The following OXR1 variants were observed in gnomAD, a reference collection of about 807,000 sequenced individuals.
OXR1 encodes oxidation resistance 1.
A neutral mutation model predicts 104.6 loss-of-function variants in OXR1; 41 were observed. The ratio of observed to expected loss-of-function variants is 0.39; its 90% confidence interval spans 0.31 to 0.51. The LOEUF (loss-of-function observed/expected upper bound fraction) is 0.51. Ranked by LOEUF, OXR1 falls within the 20% of genes least tolerant of loss-of-function variation. OXR1 has a pLI of 0.77. For synonymous variants in OXR1, 348 were observed against 348.4 expected, an observed-to-expected ratio of 1.00 and a Z score of 0.01; for missense variants, 955 against 1,031.9, an observed-to-expected ratio of 0.93 and a Z score of 1.02.
chr8:106,294,165 G>A (rs1037802495), intron 1 of OXR1, among the ~76,000 whole-genome samples: 3 of 151,638 alleles, frequency 2.0e-5, no homozygotes, highest in African/African-American at 7.3e-5. Flanking sequence ...CACTTTGGGA[G>A]GCCGAGGCGG....
At chr8:106,299,611 TTATTCTCA>T (rs1332250060) in intron 1 of OXR1, among the ~76,000 whole-genome samples, 2 of 152,132 alleles carry the variant, frequency 1.3e-5, no homozygotes, top group African/African-American at 4.8e-5. Context: ...TTAGCCTCAT[TTATTCTCA>T]TATACTCTTT....
chr8:106,325,012 C>T (rs1043787970), intron 1 of OXR1, among the ~76,000 whole-genome samples: 3 of 151,954 alleles, frequency 2.0e-5, no homozygotes, highest in Non-Finnish European at 4.4e-5. Context: ...AGTGTGACCT[C>T]CTAAACTGTA....
intron 6 of OXR1, among the ~76,000 whole-genome samples, chr8:106,690,434 A>G (rs1471136453): frequency 6.6e-6 from 1 of 151,312 alleles, no homozygotes; most frequent in African/African-American, 2.4e-5. Context: ...TTCTTAGAAC[A>G]AAATTTTATG....
chr8:106,720,672 C>A, intron 11 of OXR1: 1 of 937,092 alleles, frequency 1.1e-6, no homozygotes, highest in Non-Finnish European at 1.3e-6. Flanking sequence ...CCCTTACATA[C>A]CACAGGACTT....
intron 2 of OXR1, among the ~76,000 whole-genome samples, chr8:106,434,386 A>AT (rs1168584055): frequency 6.6e-6 from 1 of 152,202 alleles, no homozygotes; most frequent in East Asian, 1.9e-4. Flanking sequence ...ATTAAACTGA[A>AT]CAGATGAGGA....
intron 1 of OXR1, among the ~76,000 whole-genome samples, chr8:106,353,720 A>T (rs1815837818): frequency 6.6e-6 from 1 of 152,138 alleles, no homozygotes; most frequent in Non-Finnish European, 1.5e-5. Context: ...TTACCTCACT[A>T]ATGTATCATT....
chr8:106,692,592 T>C (rs1401917006), intron 6 of OXR1, 136 bp from the exon 7 acceptor site: 2 of 475,466 alleles, frequency 4.2e-6, no homozygotes, highest in Non-Finnish European at 7.3e-6. Context: ...TAAAAATATT[T>C]CGGGCTGACT....
chr8:106,318,524 C>T (rs1814074600), intron 1 of OXR1, among the ~76,000 whole-genome samples: 1 of 152,226 alleles, frequency 6.6e-6, no homozygotes, highest in South Asian at 2.1e-4. Context: ...AAGTTCTCTG[C>T]CTTGCCTCAA....
chr8:106,332,539 T>C (rs992344899), intron 1 of OXR1, among the ~76,000 whole-genome samples: 2 of 152,170 alleles, frequency 1.3e-5, no homozygotes, highest in Admixed American at 6.5e-5. Context: ...GACCCAGTCC[T>C]ACCATGTGTG....
At chr8:106,676,608 A>G (rs1399764142) in intron 3 of OXR1, among the ~76,000 whole-genome samples, 1 of 152,036 alleles carries the variant, frequency 6.6e-6, no homozygotes, top group African/African-American at 2.4e-5. Context: ...AGAATGATGA[A>G]TATTGGCCCT....
intron 2 of OXR1, among the ~76,000 whole-genome samples, chr8:106,375,274 G>A (rs752454063): frequency 6.6e-6 from 1 of 152,152 alleles, no homozygotes; most frequent in African/African-American, 2.4e-5. Context: ...AGATTTAAAA[G>A]CCATCTATTA....
At position 106,651,634 on chromosome 8, in the gene OXR1, C is replaced by T. The variant is rs181379196; in HGVS notation, c.221-27576C>T. 2.6e-3 allele frequency among the ~76,000 whole-genome samples: 391 copies of T among 152,218 alleles called. 7 individuals carry two copies. The highest frequency in any genetic ancestry group is 8.2e-4 in the Non-Finnish European group (56 of 67,996). ...TCATCAATCTGTACATCTATTCTTA[C>T]GCCAGTACTACGGTTTTTGATTACT... is the stretch of plus-strand genomic sequence containing the variant. On this transcript the variant is annotated intron_variant, in intron 3 of 16. Transcript: ENST00000517566.
chr8:106,549,181 T>A (rs1421281933), intron 3 of OXR1, among the ~76,000 whole-genome samples: 9 of 151,796 alleles, frequency 5.9e-5, no homozygotes, highest in Admixed American at 3.3e-4. Context: ...AATTCTTATG[T>A]CACAAATCCT....
In OXR1 at chr8:106,603,056, T is replaced by C. The variant is rs115674299; in HGVS notation, c.221-76154T>C. Among the ~76,000 whole-genome samples the C allele has an allele frequency of 2.3e-3, 354 of 152,326 alleles. 3 individuals carry two copies. The highest frequency in any genetic ancestry group is 7.7e-3 in the African/African-American group (320 of 41,584). On this transcript the variant is annotated intron_variant, in intron 3 of 16. Transcript: ENST00000517566. ...TATTATTTTAAAAGCATCTTTGCCA[T>C]TTTAAAGGTAAAAAAACTCACTTCT...
chr8:106,637,736 T>G (rs1823263213), intron 3 of OXR1, among the ~76,000 whole-genome samples: 1 of 151,478 alleles, frequency 6.6e-6, no homozygotes, highest in Admixed American at 6.6e-5. Flanking sequence ...CCTAAGAGTA[T>G]ACTCTAGACA....
chr8:106,413,963 A>T (rs190136098), intron 2 of OXR1, among the ~76,000 whole-genome samples: 4 of 152,064 alleles, frequency 2.6e-5, no homozygotes, highest in Non-Finnish European at 4.4e-5. Context: ...CCAGAACTCA[A>T]GTGATCCACC....
intron 2 of OXR1, among the ~76,000 whole-genome samples, chr8:106,485,234 C>G (rs1442126572): frequency 6.6e-6 from 1 of 151,962 alleles, no homozygotes; most frequent in African/African-American, 2.4e-5. Flanking sequence ...TATGATACTA[C>G]AATGTTGGAT....
intron 1 of OXR1, among the ~76,000 whole-genome samples, chr8:106,302,815 C>T (rs1309993267): frequency 2.0e-5 from 3 of 151,218 alleles, no homozygotes; most frequent in Non-Finnish European, 4.4e-5. Context: ...ACAGTGGCGC[C>T]ATCTCGGCTC....
At chr8:106,734,016 G>C (rs1349907936) in intron 11 of OXR1, among the ~76,000 whole-genome samples, 5 of 144,048 alleles carry the variant, frequency 3.5e-5, no homozygotes, top group Non-Finnish European at 6.0e-5. Context: ...TTTAAGACAG[G>C]ATTTTGCTCT....
Sources: gnomAD v4.1 joint callset for allele counts (sites outside exome capture counted in the v4.1 genomes callset) on GRCh38, gnomAD v4.1.1 for gene constraint, MANE v1.5 for transcripts, NCBI Gene and HGNC (gene_info 2026-07-23, HGNC 2026-07-21) for gene names.